The following DENND4C variants were observed in gnomAD, a reference collection of about 807,000 sequenced individuals.
DENND4C encodes DENN domain-containing protein 4C.
In DENND4C, 108 loss-of-function variants were observed where a neutral mutation model predicts 203.0. The ratio of observed to expected loss-of-function variants is 0.53; its 90% CI spans 0.46 to 0.62. The LOEUF is 0.62. Among genes scored for constraint, DENND4C ranks in the 20% least tolerant of loss-of-function variants. The probability of loss-of-function intolerance (pLI) is 0.00; values close to 1 mark genes in which losing one functional copy is unlikely to be tolerated. For missense variants in DENND4C, 2,481 were observed against 2,301.2 expected, an observed-to-expected ratio of 1.08 and a Z score of -1.60; for synonymous variants, 871 against 792.4, an observed-to-expected ratio of 1.10 and a Z score of -1.67.
intron 10 of DENND4C, among the ~76,000 whole-genome samples, chr9:19,307,327 C>T (rs926822326): frequency 2.1e-5 from 3 of 143,678 alleles, no homozygotes; most frequent in African/African-American, 5.3e-5. Flanking sequence ...TCCAGGAGGT[C>T]GAGGCTGCAG....
chr9:19,344,694 G>A (rs926034758), intron 22 of DENND4C, among the ~76,000 whole-genome samples: 1 of 152,096 alleles, frequency 6.6e-6, no homozygotes, highest in East Asian at 1.9e-4. Context: ...GCGGAGACAG[G>A]GTTTCTCCAT....
At chr9:19,282,559 T>TAAAAAAA (rs55934794) in intron 2 of DENND4C, among the ~76,000 whole-genome samples, 9 of 137,206 alleles carry the variant, frequency 6.6e-5, no homozygotes, top group African/African-American at 1.6e-4. Context: ...TGGCAAAAAT[T>TAAAAAAA]AAAAAAAAAA....
Position 19,275,803 on chromosome 9 carries a change from C to T in DENND4C, c.-17-355C>T, listed in dbSNP as rs796806353. Among the ~76,000 whole-genome samples, 10 of 152,192 alleles carry T rather than the reference C, an allele frequency of 6.6e-5. 1 individual carries two copies. The highest frequency in any genetic ancestry group is 2.4e-4 in the African/African-American group (10 of 41,520). On this transcript the variant is annotated intron_variant, in intron 1 of 32. Transcript: ENST00000434457. Reference sequence around the variant, plus strand: ...TATATTTTTAGTAGAGACAGGGTTTCACCAGGTTGGGCACACTGGTCGCGA... The same window carrying T: ...TATATTTTTAGTAGAGACAGGGTTTTACCAGGTTGGGCACACTGGTCGCGA...
intron 1 of DENND4C, among the ~76,000 whole-genome samples, chr9:19,269,237 A>G (rs1564103666): frequency 6.6e-6 from 1 of 151,968 alleles, no homozygotes; most frequent in Non-Finnish European, 1.5e-5. Flanking sequence ...ATCTTAGCTC[A>G]CTGCAACCTC....
chr9:19,331,863 G>A, intron 16 of DENND4C, 115 bp from the exon 17 acceptor site: 1 of 936,150 alleles, frequency 1.1e-6, no homozygotes, highest in Non-Finnish European at 1.6e-6. Context: ...ACTTTGAAGT[G>A]CTTGATTTTA....
intron 10 of DENND4C, among the ~76,000 whole-genome samples, chr9:19,307,156 C>T (rs1017475016): frequency 6.6e-6 from 1 of 151,744 alleles, no homozygotes; most frequent in Non-Finnish European, 1.5e-5. Flanking sequence ...TCAGTACTTT[C>T]GGAGGCTGAG....
intron 9 of DENND4C, 124 bp downstream of exon 9, chr9:19,300,455 A>AGTTCCTT: frequency 2.1e-6 from 2 of 951,366 alleles, no homozygotes; most frequent in Non-Finnish European, 1.4e-6. Context: ...ACTTTGAAAA[A>AGTTCCTT]TTTCCAGCCC....
intron 9 of DENND4C, 25 bp downstream of exon 9, chr9:19,300,356 T>C (rs1232745692): frequency 2.7e-6 from 4 of 1,479,932 alleles, no homozygotes; most frequent in African/African-American, 2.8e-5. Context: ...TTCCTTTTAG[T>C]ACAAAATTAC....
At chr9:19,354,627 C>G (rs999286648) in intron 26 of DENND4C, among the ~76,000 whole-genome samples, 1 of 144,476 alleles carries the variant, frequency 6.9e-6, no homozygotes, top group Non-Finnish European at 1.5e-5. Flanking sequence ...CAATCTTGGC[C>G]TACAACGTCT....
Position 19,310,805 on chromosome 9 carries a change from A to C in DENND4C, c.1487+5278A>C, listed in dbSNP as rs572859056. Among the ~76,000 whole-genome samples, 11 of 152,186 alleles carry C rather than the reference A, an allele frequency of 7.2e-5. No individual in the cohort carries two copies. The South Asian group carries it at 2.1e-3, about 29-fold the overall frequency. On this transcript the variant is annotated intron_variant, in intron 10 of 32. Transcript: ENST00000434457. The stretch of plus-strand genomic sequence containing the variant: ...TGTCTGATGTGAAAGGAAAAAAAAA[A>C]CCTTTTTGTTCAGCTGTTGAGATGA...
intron 1 of DENND4C, among the ~76,000 whole-genome samples, chr9:19,262,300 C>T (rs1309929642): frequency 1.3e-5 from 2 of 151,750 alleles, no homozygotes; most frequent in South Asian, 2.1e-4. Flanking sequence ...GTTGGCCAGG[C>T]TGGTCTTGAA....
At chr9:19,239,410 T>C (rs1006354626) in intron 1 of DENND4C, among the ~76,000 whole-genome samples, 3 of 152,162 alleles carry the variant, frequency 2.0e-5, no homozygotes, top group Non-Finnish European at 2.9e-5. Flanking sequence ...AGTATCTTTA[T>C]GTTAATGATC....
rs1554643714 is a variant in DENND4C, at chr9:19,356,810, A to AGAGAGT, written c.4782-157_4782-156insTGAGAG. ...GTGTGAGAGAGAGAGAGAGAGAGAG[A>AGAGAGT]GAGAGAGTGAGAGTGTATTGGAAAT... On this transcript the variant is annotated intron_variant, in intron 26 of 32. Coordinates refer to ENST00000434457, the MANE Select transcript of DENND4C (RefSeq NM_001330640.2). Among the ~76,000 whole-genome samples the AGAGAGT allele has an allele frequency of 3.2e-3, 475 of 146,676 alleles. 1 individual carries two copies. Among genetic ancestry groups the AGAGAGT allele is most frequent in the African/African-American group, 0.011 (421 of 38,368 alleles).
chr9:19,346,228 C>T lies in DENND4C; in HGVS notation c.3459C>T (p.Ser1153=). 1 of 1,614,192 alleles carries T rather than the reference C, an allele frequency of 6.2e-7. No homozygotes were observed. Among genetic ancestry groups the T allele is most frequent in the Admixed American group, 1.7e-5 (1 of 60,026 alleles). Residue 1153 remains serine, a synonymous_variant, in exon 23 of 33, where the codon AGC becomes AGT. Coordinates refer to ENST00000434457, the MANE Select transcript of DENND4C (RefSeq NM_001330640.2). ...GAACCCATAGCTTTGAGAATGTTAG[C>T]TGTCACCTACCTGATAGTAGGACTT... is the stretch of plus-strand genomic sequence containing the variant. ...IARTHSFENV[S]CHLPDSRTCM... is the part of the protein sequence containing the mutation.
chr9:19,265,135 C>T (rs1437149683), intron 1 of DENND4C, among the ~76,000 whole-genome samples: 9 of 152,124 alleles, frequency 5.9e-5, no homozygotes. Context: ...CCACCTCAGC[C>T]TCCTAAATAG....
At chr9:19,341,506 C>T (rs1198440695) in intron 21 of DENND4C, among the ~76,000 whole-genome samples, 1 of 151,816 alleles carries the variant, frequency 6.6e-6, no homozygotes, top group Non-Finnish European at 1.5e-5. Context: ...GACAAGGTCT[C>T]ACCATGTTGC....
Position 19,336,750 on chromosome 9 carries a change from T to C in DENND4C, c.2799T>C (p.Ser933=). ...DTVSHGSVDS[S]NDANNGEHTV... ...TGAGCCACGGTAGTGTGGATAGTTC[T>C]AATGATGCTAACAATGGGGAGCACA... Residue 933 remains serine, a synonymous_variant, in exon 20 of 33, where the codon TCT becomes TCC. Coordinates refer to ENST00000434457, the MANE Select transcript of DENND4C (RefSeq NM_001330640.2). The C allele has an allele frequency of 2.6e-6, 4 of 1,551,054 alleles. No homozygotes were observed. The highest frequency in any genetic ancestry group is 3.5e-6 in the Non-Finnish European group (4 of 1,147,074).
intron 9 of DENND4C, among the ~76,000 whole-genome samples, chr9:19,304,184 T>C (rs972386870): frequency 4.4e-5 from 5 of 114,552 alleles, no homozygotes; most frequent in African/African-American, 9.1e-5. Flanking sequence ...GAATATTTTA[T>C]ATTGATTTTT....
At chr9:19,245,295 C>T (rs1824884567) in intron 1 of DENND4C, among the ~76,000 whole-genome samples, 1 of 151,174 alleles carries the variant, frequency 6.6e-6, no homozygotes, top group Non-Finnish European at 1.5e-5. Context: ...GGTGAAACCC[C>T]GCCTCTACTA....
Sources: gnomAD v4.1 joint callset for allele counts (sites outside exome capture counted in the v4.1 genomes callset) on GRCh38, gnomAD v4.1.1 for gene constraint, MANE v1.5 for transcripts, NCBI Gene and HGNC (gene_info 2026-07-23, HGNC 2026-07-21) for gene names.